The following DLGAP1 variants were observed in gnomAD, a reference collection of about 807,000 sequenced individuals.
The protein encoded by DLGAP1 is disks large-associated protein 1.
Under a neutral mutation model 90.8 loss-of-function variants are expected in DLGAP1, and 11 were observed. The ratio of observed to expected loss-of-function variants is 0.12; its 90% CI spans 0.08 to 0.20. DLGAP1 has a LOEUF of 0.20. Among genes scored for constraint, DLGAP1 ranks in the 10% least tolerant of loss-of-function variants. DLGAP1 has a pLI of 1.00. For synonymous variants in DLGAP1, 558 were observed against 540.7 expected (o/e 1.03, Z -0.44); for missense variants, 1,050 against 1,333.8 (o/e 0.79, Z 3.31).
intron 3 of DLGAP1, among the ~76,000 whole-genome samples, chr18:3,888,996 C>T (rs1443513372): frequency 6.6e-6 from 1 of 152,074 alleles, no homozygotes; most frequent in African/African-American, 2.4e-5. Flanking sequence ...TTACCTTAAC[C>T]AGCCATGGAC....
At chr18:4,016,149 A>G (rs1275136487) in intron 2 of DLGAP1, among the ~76,000 whole-genome samples, 1 of 152,202 alleles carries the variant, frequency 6.6e-6, no homozygotes, top group African/African-American at 2.4e-5. Flanking sequence ...TCTTTTCCCT[A>G]GAGACAGATA....
At chr18:3,600,670 C>CTATAGATATCTATAGAGATCTA (rs1568276590) in intron 7 of DLGAP1, among the ~76,000 whole-genome samples, 5 of 100,552 alleles carry the variant, frequency 5.0e-5, no homozygotes, top group African/African-American at 1.2e-4. Context: ...CTATAGAGAT[C>CTATAGATATCTATAGAGATCTA]TATAGATATC....
chr18:4,393,190 T>A (rs998328480), intron 1 of DLGAP1, among the ~76,000 whole-genome samples: 1 of 152,092 alleles, frequency 6.6e-6, no homozygotes, highest in African/African-American at 2.4e-5. Context: ...TAAAATAGAA[T>A]AAATAAAATA....
chr18:4,323,294 G>A (rs1449457967), intron 1 of DLGAP1, among the ~76,000 whole-genome samples: 3 of 152,110 alleles, frequency 2.0e-5, no homozygotes, highest in Non-Finnish European at 4.4e-5. Flanking sequence ...AGATAAATTT[G>A]AGAAATAACA....
intron 2 of DLGAP1, among the ~76,000 whole-genome samples, chr18:4,062,352 C>A (rs924673424): frequency 6.6e-5 from 10 of 151,768 alleles, no homozygotes; most frequent in Non-Finnish European, 1.2e-4. Flanking sequence ...CCAATAAAAG[C>A]CCCTTGGGAA....
chr18:3,953,142 G>A (rs6506143), intron 3 of DLGAP1, among the ~76,000 whole-genome samples: 96,452 of 152,068 alleles, frequency 0.63, 30,772 homozygotes, highest in Non-Finnish European at 0.67. Flanking sequence ...CTGAAATGGT[G>A]TGTCCCAGAG....
chr18:4,356,685 G>A (rs1200667460), intron 1 of DLGAP1, among the ~76,000 whole-genome samples: 1 of 152,054 alleles, frequency 6.6e-6, no homozygotes, highest in African/African-American at 2.4e-5. Context: ...TTTCTATGTT[G>A]CTACTCTGCC....
chr18:3,990,848 G>A (rs551659315), intron 3 of DLGAP1, among the ~76,000 whole-genome samples: 130 of 151,862 alleles, frequency 8.6e-4, no homozygotes, highest in Non-Finnish European at 1.7e-3. Flanking sequence ...GCAGATATAG[G>A]AATTTAGCTG....
chr18:3,529,859 C>T (rs961754970), intron 10 of DLGAP1, among the ~76,000 whole-genome samples: 3 of 152,204 alleles, frequency 2.0e-5, no homozygotes, highest in Non-Finnish European at 2.9e-5. Context: ...AATACAAATA[C>T]GTTTCTCTTT....
intron 1 of DLGAP1, among the ~76,000 whole-genome samples, chr18:4,303,808 T>C (rs932420221): frequency 2.6e-5 from 4 of 152,162 alleles, no homozygotes; most frequent in African/African-American, 9.7e-5. Flanking sequence ...GTATCTGAAG[T>C]GTATTAGAAG....
chr18:3,506,383 CAT>C (rs2050218366), intron 11 of DLGAP1, among the ~76,000 whole-genome samples: 1 of 151,316 alleles, frequency 6.6e-6, no homozygotes. Flanking sequence ...TGTGGTGGCG[CAT>C]GCCTGTAATC....
chr18:4,284,937 T>C (rs796677937), intron 1 of DLGAP1, among the ~76,000 whole-genome samples: 7 of 152,354 alleles, frequency 4.6e-5, no homozygotes, highest in African/African-American at 1.7e-4. Context: ...AAAAGAAATA[T>C]TGATGAGTTA....
intron 1 of DLGAP1, among the ~76,000 whole-genome samples, chr18:4,265,781 C>T (rs553503493): frequency 6.0e-5 from 9 of 150,930 alleles, no homozygotes; most frequent in Admixed American, 1.3e-4. Flanking sequence ...TTGACCTCCC[C>T]GGCTCAACTG....
At chr18:4,445,268 T>C (rs1463163622) in intron 1 of DLGAP1, among the ~76,000 whole-genome samples, 1 of 151,050 alleles carries the variant, frequency 6.6e-6, no homozygotes, top group African/African-American at 2.4e-5. Flanking sequence ...ATTCACCCTA[T>C]TCCCTCTCTA....
At chr18:4,367,368 T>C (rs1236228747) in intron 1 of DLGAP1, among the ~76,000 whole-genome samples, 1 of 152,094 alleles carries the variant, frequency 6.6e-6, no homozygotes. Context: ...TTATGATCCC[T>C]TTCCTAATTT....
intron 8 of DLGAP1, 92 bp downstream of exon 8, chr18:3,581,783 C>A: frequency 1.3e-6 from 2 of 1,520,542 alleles, no homozygotes; most frequent in Admixed American, 1.8e-5. Flanking sequence ...TGATTCCAAG[C>A]GGCAAGAAAG....
intron 1 of DLGAP1, among the ~76,000 whole-genome samples, chr18:4,388,466 A>T (rs2082279553): frequency 6.6e-6 from 1 of 152,152 alleles, no homozygotes; most frequent in Admixed American, 6.6e-5. Flanking sequence ...GAAGAAAGCC[A>T]TTGGAGCTGC....
intron 1 of DLGAP1, among the ~76,000 whole-genome samples, chr18:4,282,552 A>T (rs957597181): frequency 3.3e-5 from 5 of 152,192 alleles, no homozygotes; most frequent in Non-Finnish European, 7.3e-5. Context: ...ATCAATTTCC[A>T]TTCCAATGCA....
At chr18:3,884,050 C>G (rs888282637) in intron 3 of DLGAP1, among the ~76,000 whole-genome samples, 14 of 152,082 alleles carry the variant, frequency 9.2e-5, no homozygotes, top group Admixed American at 7.9e-4. Flanking sequence ...TAAGGAAGAA[C>G]CGATAGGTAA....
Sources: allele counts gnomAD v4.1 joint callset (sites outside exome capture counted in the v4.1 genomes callset), GRCh38; gene constraint gnomAD v4.1.1; transcripts MANE v1.5; gene names NCBI Gene and HGNC (gene_info 2026-07-23, HGNC 2026-07-21).